AVEN: variants seen among roughly 807,000 people sequenced by gnomAD.
AVEN encodes apoptosis and caspase activation inhibitor, also known as cell death regulator Aven.
A neutral mutation model predicts 38.1 loss-of-function variants in AVEN; 41 were observed. The observed-to-expected ratio is 1.08, with a 90% CI of 0.84 to 1.40. AVEN has a LOEUF of 1.40. AVEN is among the 40% of genes most tolerant of loss of function. The probability of loss-of-function intolerance (pLI) is 0.00; values close to 1 mark genes in which losing one functional copy is unlikely to be tolerated. For synonymous variants in AVEN, 206 were observed against 171.8 expected, an observed-to-expected ratio of 1.20 and a Z score of -1.56; for missense variants, 605 against 438.8, an observed-to-expected ratio of 1.38 and a Z score of -3.38.
At chr15:33,944,009 C>T (rs1363820789) in intron 2 of AVEN, among the ~76,000 whole-genome samples, 1 of 152,056 alleles carries the variant, frequency 6.6e-6, no homozygotes, top group Non-Finnish European at 1.5e-5. Flanking sequence ...GCCAGGATTA[C>T]ACGCATGAAC....
chr15:34,033,276 C>A (rs751878783), intron 1 of AVEN, among the ~76,000 whole-genome samples: 3 of 152,092 alleles, frequency 2.0e-5, no homozygotes, highest in Admixed American at 6.6e-5. Context: ...GAGGCAGAAG[C>A]GGGCGGACTG....
intron 2 of AVEN, among the ~76,000 whole-genome samples, chr15:33,920,689 C>G (rs1217971253): frequency 6.6e-6 from 1 of 152,196 alleles, no homozygotes; most frequent in Non-Finnish European, 1.5e-5. Flanking sequence ...AAGGGCCACA[C>G]CTGATTCATC....
At chr15:33,958,560 C>T (rs1895044789) in intron 2 of AVEN, among the ~76,000 whole-genome samples, 1 of 148,278 alleles carries the variant, frequency 6.7e-6, no homozygotes, top group African/African-American at 2.5e-5. Flanking sequence ...CACTGCACTC[C>T]AGCCTGGGCA....
chr15:33,941,421 C>T (rs1468795102), intron 2 of AVEN, among the ~76,000 whole-genome samples: 1 of 152,118 alleles, frequency 6.6e-6, no homozygotes, highest in Non-Finnish European at 1.5e-5. Context: ...TTCCTCCTGA[C>T]ACACGCAACT....
rs1899306987 is a variant in AVEN at position 34,038,868 on chromosome 15, C to T, written c.179G>A (p.Arg60His). The T allele has an allele frequency of 8.7e-7, 1 of 1,150,244 alleles. No homozygotes were observed. Among genetic ancestry groups the T allele is most frequent in the Non-Finnish European group, 1.1e-6 (1 of 939,660 alleles). The allele number at this position is 1,150,244 out of a possible 1,614,324, so 71.3% of individuals were successfully genotyped here. Residue 60 changes from arginine to histidine, a missense_variant, in exon 1 of 6, where the codon CGC becomes CAC. Transcript: ENST00000306730. ...TCCTCCTCGGCCTCCGCGAGCGCCG[C>T]GGAAGCCCCGGCCACGGCCACGGCC... ...RRGRGRGRGF[R>H]GARGGRGGGG...
downstream of AVEN, among the ~76,000 whole-genome samples, chr15:33,864,488 G>C (rs146319152): frequency 2.3e-3 from 357 of 152,180 alleles, no homozygotes; most frequent in African/African-American, 8.3e-3. Flanking sequence ...AAATGGAGTG[G>C]GTGGCTGCAA....
downstream of AVEN, among the ~76,000 whole-genome samples, chr15:33,863,177 A>C (rs1461271934): frequency 6.6e-6 from 1 of 152,076 alleles, no homozygotes; most frequent in Non-Finnish European, 1.5e-5. Flanking sequence ...GAAAGAACCC[A>C]ATTTTATTCG....
At chr15:33,867,356 G>T in intron 5 of AVEN, 139 bp downstream of exon 5, 1 of 1,234,332 alleles carries the variant, frequency 8.1e-7, no homozygotes. Context: ...AGAGACGTGA[G>T]CACAGAAATA....
At chr15:33,898,064 C>G (rs979799637) in intron 2 of AVEN, among the ~76,000 whole-genome samples, 1 of 152,154 alleles carries the variant, frequency 6.6e-6, no homozygotes, top group East Asian at 1.9e-4. Flanking sequence ...TGGTGGGCAC[C>G]TGTAGTCCCA....
chr15:33,996,561 C>G (rs547654697), intron 2 of AVEN, among the ~76,000 whole-genome samples: 1 of 152,356 alleles, frequency 6.6e-6, no homozygotes, highest in East Asian at 1.9e-4. Context: ...CCCAGGCAAA[C>G]AGGGCCTGGA....
At chr15:33,857,534 CA>C (rs1267317722), downstream of AVEN, among the ~76,000 whole-genome samples, 2 of 152,098 alleles carry the variant, frequency 1.3e-5, no homozygotes, top group African/African-American at 4.8e-5. Context: ...TGAAGGGACA[CA>C]ATTCAGCCCC....
At chr15:33,946,604 G>A (rs1011631593) in intron 2 of AVEN, among the ~76,000 whole-genome samples, 1 of 152,078 alleles carries the variant, frequency 6.6e-6, no homozygotes. Flanking sequence ...CTGCTATGGC[G>A]CAAGAGGAAG....
At chr15:34,052,283 GA>G (rs541124270) in intron 5 of AVEN, among the ~76,000 whole-genome samples, 1 of 152,046 alleles carries the variant, frequency 6.6e-6, no homozygotes, top group Non-Finnish European at 1.5e-5. Context: ...AAAAGGCTTT[GA>G]AAAAATTTAA....
chr15:33,887,972 C>G (rs933301232), intron 2 of AVEN, among the ~76,000 whole-genome samples: 1 of 152,114 alleles, frequency 6.6e-6, no homozygotes, highest in African/African-American at 2.4e-5. Context: ...TGCAACCACA[C>G]CTAGTTCACC....
At position 33,957,093 on chromosome 15, in the gene AVEN, T is replaced by G. The variant is rs768301850; in HGVS notation, c.445+45939A>C. Among the ~76,000 whole-genome samples the G allele has an allele frequency of 5.6e-4, 85 of 152,386 alleles. No homozygotes were observed. The Middle Eastern group carries it at 0.01, about 18-fold the overall frequency. On this transcript the variant is annotated intron_variant, in intron 2 of 5. Coordinates refer to ENST00000306730, the MANE Select transcript of AVEN (RefSeq NM_020371.3). ...TTAAAGTTTAATAATTTGTTTTACC[T>G]GTGAGCTCCTCAGGAACAGTACTGG...
chr15:33,879,373 AG>A (rs1891386174), intron 2 of AVEN, among the ~76,000 whole-genome samples: 1 of 125,568 alleles, frequency 8.0e-6, no homozygotes, highest in Non-Finnish European at 1.6e-5. Flanking sequence ...GGACACAGGA[AG>A]GGGAACATCA....
chr15:33,970,958 A>G (rs1478031892), intron 2 of AVEN, among the ~76,000 whole-genome samples: 1 of 151,964 alleles, frequency 6.6e-6, no homozygotes, highest in Admixed American at 6.6e-5. Flanking sequence ...TTTCCAAATC[A>G]AGGCTTTGCT....
upstream of AVEN, among the ~76,000 whole-genome samples, chr15:34,040,465 C>T (rs1334910564): frequency 6.6e-6 from 1 of 152,192 alleles, no homozygotes; most frequent in Admixed American, 6.5e-5. Context: ...TCCAGAGAAA[C>T]AGTCTTAAAA....
intron 2 of AVEN, among the ~76,000 whole-genome samples, chr15:33,881,184 A>T (rs534724767): frequency 7.0e-6 from 1 of 142,878 alleles, no homozygotes; most frequent in African/African-American, 2.6e-5. Flanking sequence ...AAACTCCTAG[A>T]CTCAAGTGAT....
Sources: allele counts gnomAD v4.1 joint callset (sites outside exome capture counted in the v4.1 genomes callset), GRCh38; gene constraint gnomAD v4.1.1; transcripts MANE v1.5; gene names NCBI Gene and HGNC (gene_info 2026-07-23, HGNC 2026-07-21).